PCGF5: variants seen among roughly 807,000 people sequenced by gnomAD.
PCGF5 encodes polycomb group ring finger 5.
PCGF5 carries 9 observed loss-of-function variants against 44.3 expected under a neutral mutation model. That is an observed-to-expected ratio of 0.20 (90% CI 0.12 to 0.35). The LOEUF (loss-of-function observed/expected upper bound fraction) is 0.35. PCGF5 is among the 10% of genes least tolerant of loss of function. PCGF5 has a pLI of 1.00. For synonymous variants in PCGF5, 95 were observed against 102.5 expected, an observed-to-expected ratio of 0.93 and a Z score of 0.44; for missense variants, 146 against 305.3, an observed-to-expected ratio of 0.48 and a Z score of 3.89.
chr10:91,252,374 C>T (rs1845641721), intron 6 of PCGF5, among the ~76,000 whole-genome samples: 1 of 151,940 alleles, frequency 6.6e-6, no homozygotes, highest in African/African-American at 2.4e-5. Flanking sequence ...CAATTTTTCA[C>T]TTCAGATTAA....
intron 1 of PCGF5, among the ~76,000 whole-genome samples, chr10:91,212,144 A>G (rs1276447578): frequency 6.6e-6 from 1 of 152,250 alleles, no homozygotes; most frequent in Non-Finnish European, 1.5e-5. Flanking sequence ...GGAAGAGCTC[A>G]TTCCATTGTT....
Position 91,283,607 on chromosome 10 carries a change from C to A in PCGF5, c.*5291C>A, listed in dbSNP as rs568877137. The A allele has an allele frequency of 6.6e-6, 1 of 151,982 alleles. No homozygotes were observed. Among genetic ancestry groups the A allele is most frequent in the African/African-American group, 2.4e-5 (1 of 41,352 alleles). The allele number at this position is 151,982 out of a possible 1,614,324, so 9.4% of individuals were successfully genotyped here. On this transcript the variant is annotated 3_prime_UTR_variant, in exon 10 of 10. Transcript: ENST00000336126. ...ACATTAAAAATGTAATGGGATCAGC[C>A]TAGCATTGTTTGGTGTTCTTTTGTT...
intron 1 of PCGF5, among the ~76,000 whole-genome samples, chr10:91,182,172 C>T (rs180822302): frequency 5.3e-4 from 77 of 144,830 alleles, no homozygotes; most frequent in African/African-American, 1.6e-3. Flanking sequence ...TTTGTTTGAC[C>T]TTTTCAATTT....
At chr10:91,238,070 A>G (rs1845216096) in intron 2 of PCGF5, among the ~76,000 whole-genome samples, 1 of 152,254 alleles carries the variant, frequency 6.6e-6, no homozygotes, top group Non-Finnish European at 1.5e-5. Context: ...TTTTCATTTC[A>G]AAATGTAATT....
chr10:91,176,584 A>G (rs942410447), intron 1 of PCGF5, among the ~76,000 whole-genome samples: 1 of 152,062 alleles, frequency 6.6e-6, no homozygotes, highest in African/African-American at 2.4e-5. Flanking sequence ...ACATAGTCCC[A>G]TATTTCTTGG....
intron 1 of PCGF5, among the ~76,000 whole-genome samples, chr10:91,164,968 C>T (rs12251417): frequency 0.017 from 2,517 of 152,312 alleles, 78 homozygotes; most frequent in African/African-American, 0.058. Flanking sequence ...GCTGCTATAA[C>T]CCTAGCACCT....
At chr10:91,190,375 T>C (rs1844009897) in intron 1 of PCGF5, among the ~76,000 whole-genome samples, 1 of 152,214 alleles carries the variant, frequency 6.6e-6, no homozygotes, top group African/African-American at 2.4e-5. Context: ...CATTTTTCCT[T>C]AGGAGTGAGG....
At chr10:91,263,865 CTT>C (rs756040226) in intron 7 of PCGF5, among the ~76,000 whole-genome samples, 1 of 152,178 alleles carries the variant, frequency 6.6e-6, no homozygotes, top group African/African-American at 2.4e-5. Flanking sequence ...ATAGTCGTAA[CTT>C]TTGTATCAAA....
rs900972131 is a variant in PCGF5 at position 91,280,804 on chromosome 10, T to G, written c.*2488T>G. ...TGCAAGAAACTAGGTATAGAAAAAA[T>G]GTACAGGCAACTTTTGTGGTTAGCT... On this transcript the variant is annotated 3_prime_UTR_variant, in exon 10 of 10. Transcript: ENST00000336126. 16 of 152,340 alleles carry G rather than the reference T, an allele frequency of 1.1e-4. No individual in the cohort carries two copies. Among genetic ancestry groups the G allele is most frequent in the Admixed American group, 5.2e-4 (8 of 15,286 alleles). 9.4% of individuals were successfully genotyped at this position (152,340 alleles called of 1,614,324 possible). A position where few individuals can be genotyped will look rare whatever the true frequency, so the allele number is the denominator to read the frequency against.
At position 91,265,629 on chromosome 10, in the gene PCGF5, A is replaced by G. The variant is rs1362821934; in HGVS notation, c.663+1109A>G. 2.6e-5 allele frequency among the ~76,000 whole-genome samples: 4 copies of G among 152,314 alleles called. No individual in the cohort carries two copies. The East Asian group carries it at 7.7e-4, about 29-fold the overall frequency. The stretch of plus-strand genomic sequence containing the variant: ...TGCCATGTTACCATATTTCCAAAAC[A>G]TATTTATATTGAATGTAAACATTTG... On this transcript the variant is annotated intron_variant, in intron 8 of 9. Transcript: ENST00000336126.
Position 91,252,352 on chromosome 10 carries a change from G to C in PCGF5, c.474+912G>C, listed in dbSNP as rs78606902. On this transcript the variant is annotated intron_variant, in intron 6 of 9. Transcript: ENST00000336126. ...TACGTTTAATGGCATTTTCCTATTA[G>C]GAAGTGAAAAACAATTTTTCACTTC... Among the ~76,000 whole-genome samples the C allele has an allele frequency of 3.0e-4, 45 of 151,878 alleles. No homozygotes were observed. In the East Asian group the frequency reaches 7.9e-3, roughly 27 times the overall value.
intron 2 of PCGF5, among the ~76,000 whole-genome samples, chr10:91,231,779 GA>G (rs1363193487): frequency 1.3e-5 from 2 of 152,224 alleles, no homozygotes; most frequent in African/African-American, 2.4e-5. Context: ...GTCGAAAGCA[GA>G]CCTGTTAGAA....
Position 91,280,310 on chromosome 10 carries a change from TA to T in PCGF5, c.*1999del, listed in dbSNP as rs1846422127. The stretch of plus-strand genomic sequence containing the variant: ...CTCAAAATGAATTAAGAGTGCATTT[TA>T]AAAATCACAAGTGAGACTTTGATGT... On this transcript the variant is annotated 3_prime_UTR_variant, in exon 10 of 10. Coordinates refer to ENST00000336126, the MANE Select transcript of PCGF5 (RefSeq NM_032373.5). 2 of 152,080 alleles carry T rather than the reference TA, an allele frequency of 1.3e-5. No individual in the cohort carries two copies. Among genetic ancestry groups the T allele is most frequent in the East Asian group, 3.8e-4 (2 of 5,196 alleles). 9.4% of individuals were successfully genotyped at this position (152,080 alleles called of 1,614,324 possible).
At chr10:91,176,007 C>A (rs1263751726) in intron 1 of PCGF5, among the ~76,000 whole-genome samples, 4 of 152,146 alleles carry the variant, frequency 2.6e-5, no homozygotes, top group Admixed American at 6.5e-5. Context: ...TCCTAGCCTC[C>A]ACGGTCTTTA....
chr10:91,280,797 G>GA lies in PCGF5; in HGVS notation c.*2487dup, dbSNP rs1846435684. ...TAGAATTTGCAAGAAACTAGGTATA[G>GA]AAAAAATGTACAGGCAACTTTTGTG... On this transcript the variant is annotated 3_prime_UTR_variant, in exon 10 of 10. Coordinates refer to ENST00000336126, the MANE Select transcript of PCGF5 (RefSeq NM_032373.5). 1 of 152,164 alleles carries GA rather than the reference G, an allele frequency of 6.6e-6. No homozygotes were observed. Among genetic ancestry groups the GA allele is most frequent in the Non-Finnish European group, 1.5e-5 (1 of 67,872 alleles). The allele number at this position is 152,164 out of a possible 1,614,324, so 9.4% of individuals were successfully genotyped here. A position where few individuals can be genotyped will look rare whatever the true frequency, so the allele number is the denominator to read the frequency against.
chr10:91,254,664 G>T (rs771175434), intron 6 of PCGF5, among the ~76,000 whole-genome samples: 4 of 152,078 alleles, frequency 2.6e-5, no homozygotes, highest in Non-Finnish European at 4.4e-5. Context: ...TGGTGGGGCA[G>T]TAGTTGCATG....
chr10:91,274,504 A>G (rs1342063104), intron 9 of PCGF5, among the ~76,000 whole-genome samples: 1 of 152,230 alleles, frequency 6.6e-6, no homozygotes, highest in African/African-American at 2.4e-5. Flanking sequence ...CCTATTGAGT[A>G]TTATGCATTG....
chr10:91,276,606 G>C (rs1846319456), intron 9 of PCGF5, among the ~76,000 whole-genome samples: 1 of 152,108 alleles, frequency 6.6e-6, no homozygotes, highest in Non-Finnish European at 1.5e-5. Context: ...ATGGCTACTT[G>C]GAGGAGAAAA....
chr10:91,176,501 A>C (rs1249908568), intron 1 of PCGF5, among the ~76,000 whole-genome samples: 1 of 152,168 alleles, frequency 6.6e-6, no homozygotes, highest in Non-Finnish European at 1.5e-5. Flanking sequence ...TATCCTGCAG[A>C]GTGTTTTCCA....
Sources: gnomAD v4.1 joint callset for allele counts (sites outside exome capture counted in the v4.1 genomes callset) on GRCh38, gnomAD v4.1.1 for gene constraint, MANE v1.5 for transcripts, NCBI Gene and HGNC (gene_info 2026-07-23, HGNC 2026-07-21) for gene names.